KIF2A: variants seen among roughly 807,000 people sequenced by gnomAD.
KIF2A encodes kinesin family member 2A, also known as kinesin-like protein KIF2A.
KIF2A carries 22 observed loss-of-function variants against 100.2 expected under a neutral mutation model. The ratio of observed to expected loss-of-function variants is 0.22; its 90% CI spans 0.16 to 0.31. The LOEUF (loss-of-function observed/expected upper bound fraction) is 0.31, where lower values mean the gene tolerates loss of function less well. Ranked by LOEUF, KIF2A falls within the 10% of genes least tolerant of loss-of-function variation. The pLI is 1.00. For synonymous variants in KIF2A, 268 were observed against 285.9 expected, an observed-to-expected ratio of 0.94 and a Z score of 0.63; for missense variants, 495 against 898.7, an observed-to-expected ratio of 0.55 and a Z score of 5.74.
rs1303449314 is a variant in KIF2A, at chr5:62,390,891, A to G, written c.*5322A>G. 12 of 1,611,742 alleles carry G rather than the reference A, an allele frequency of 7.4e-6. No individual in the cohort carries two copies. The highest frequency in any genetic ancestry group is 1.0e-5 in the Non-Finnish European group (12 of 1,179,692). On this transcript the variant is annotated 3_prime_UTR_variant, in exon 21 of 21. Transcript: ENST00000407818. Reference sequence around the variant, plus strand: ...ATGTAATTACCTGATGAAGTCATCTATGTCCATGGAACGGGCCCGTTTGTC... The same window carrying G: ...ATGTAATTACCTGATGAAGTCATCTGTGTCCATGGAACGGGCCCGTTTGTC...
chr5:62,324,627 T>C (rs1746270194), intron 1 of KIF2A, among the ~76,000 whole-genome samples: 1 of 152,174 alleles, frequency 6.6e-6, no homozygotes, highest in Admixed American at 6.5e-5. Context: ...CCTTATTCAG[T>C]AAATGGTGCT....
intron 9 of KIF2A, among the ~76,000 whole-genome samples, chr5:62,358,671 A>C (rs1748234806): frequency 6.6e-6 from 1 of 152,192 alleles, no homozygotes; most frequent in African/African-American, 2.4e-5. Flanking sequence ...CTAATAAAGA[A>C]ACTTGAAATG....
At chr5:62,336,738 A>C (rs1194987385) in intron 1 of KIF2A, among the ~76,000 whole-genome samples, 1 of 152,238 alleles carries the variant, frequency 6.6e-6, no homozygotes. Context: ...TTAAGGGGAA[A>C]AAACAGTAAA....
intron 1 of KIF2A, among the ~76,000 whole-genome samples, chr5:62,327,220 C>G (rs1746420563): frequency 6.6e-6 from 1 of 152,112 alleles, no homozygotes; most frequent in Non-Finnish European, 1.5e-5. Context: ...TCTTAGTGGT[C>G]AAATCCACTT....
intron 1 of KIF2A, among the ~76,000 whole-genome samples, chr5:62,317,878 C>G (rs1317119167): frequency 6.6e-6 from 1 of 152,144 alleles, no homozygotes; most frequent in Non-Finnish European, 1.5e-5. Flanking sequence ...CAAAGACATT[C>G]TAGTTTTCTC....
In KIF2A at chr5:62,363,246, G is replaced by A. The variant is rs1157092494; in HGVS notation, c.1188G>A (p.Val396=). ...VLEDGKQQVQ[V]VGLQEREVKC... is the part of the protein sequence containing the mutation. Reference sequence around the variant, plus strand: ...AAGATGGAAAACAGCAGGTTCAAGTGGTGGGATTACAGGAACGGGAGGTCA... The same window carrying A: ...AAGATGGAAAACAGCAGGTTCAAGTAGTGGGATTACAGGAACGGGAGGTCA... The change falls in exon 13 of 21, where the codon GTG becomes GTA. Residue 396 remains valine, a synonymous_variant. Transcript: ENST00000407818. 6.2e-7 allele frequency: 1 copy of A among 1,613,296 alleles called. No individual in the cohort carries two copies. Among genetic ancestry groups the A allele is most frequent in the Admixed American group, 1.7e-5 (1 of 59,978 alleles).
intron 1 of KIF2A, among the ~76,000 whole-genome samples, chr5:62,322,864 GT>G (rs36138729): frequency 0.093 from 12,436 of 134,410 alleles, 692 homozygotes; most frequent in African/African-American, 0.16. Context: ...TGGTTTTTGG[GT>G]TTTTTTTTTT....
intron 1 of KIF2A, among the ~76,000 whole-genome samples, chr5:62,319,149 A>G (rs1745977267): frequency 1.5e-5 from 2 of 135,130 alleles, no homozygotes; most frequent in African/African-American, 2.7e-5. Context: ...TACCTAGGAG[A>G]GTAATTTGGT....
intron 3 of KIF2A, 35 bp downstream of exon 3, chr5:62,348,202 G>T: frequency 6.2e-7 from 1 of 1,609,354 alleles, no homozygotes; most frequent in Non-Finnish European, 8.5e-7. Context: ...AGGACACTGG[G>T]AGAGAGCGGG....
At position 62,320,366 on chromosome 5, in the gene KIF2A, A is replaced by G. The variant is rs565024586; in HGVS notation, c.64+13830A>G. Among the ~76,000 whole-genome samples, 3 of 152,296 alleles carry G rather than the reference A, an allele frequency of 2.0e-5. No individual in the cohort carries two copies. The South Asian group carries it at 6.2e-4, about 32-fold the overall frequency. On this transcript the variant is annotated intron_variant, in intron 1 of 20. Transcript: ENST00000407818. ...CATGAATATATCTGTAGGGGAAAAA[A>G]TCCTAGAAGTAGAAGCACTGGGTCA...
intron 1 of KIF2A, among the ~76,000 whole-genome samples, chr5:62,329,357 G>T (rs1451490557): frequency 6.6e-6 from 1 of 152,196 alleles, no homozygotes; most frequent in Non-Finnish European, 1.5e-5. Context: ...TTCCACTAAA[G>T]CTATTGAAGA....
intron 9 of KIF2A, among the ~76,000 whole-genome samples, chr5:62,358,907 G>A (rs1333721778): frequency 2.6e-5 from 4 of 152,238 alleles, no homozygotes; most frequent in African/African-American, 9.6e-5. Flanking sequence ...CTGAGCTCAA[G>A]TGATCTGCCC....
At chr5:62,348,982 A>G (rs1461659827) in intron 3 of KIF2A, among the ~76,000 whole-genome samples, 3 of 152,218 alleles carry the variant, frequency 2.0e-5, no homozygotes, top group African/African-American at 7.2e-5. Flanking sequence ...AATATAGTAT[A>G]ATAGAAGCAA....
At chr5:62,383,218 T>TGCCCG (rs1741862039) in intron 20 of KIF2A, among the ~76,000 whole-genome samples, 2 of 133,142 alleles carry the variant, frequency 1.5e-5, no homozygotes. Flanking sequence ...TGAGCCACCA[T>TGCCCG]GCCTGGCCAG....
At position 62,306,429 on chromosome 5, in the gene KIF2A, CG is replaced by C. The variant is rs1745273804; in HGVS notation, c.-42del. 2.0e-6 allele frequency: 3 copies of C among 1,492,630 alleles called. No homozygotes were observed. Among genetic ancestry groups the C allele is most frequent in the Admixed American group, 4.0e-5 (2 of 49,584 alleles). The allele number at this position is 1,492,630 out of a possible 1,614,324, so 92.5% of individuals were successfully genotyped here. A position where few individuals can be genotyped will look rare whatever the true frequency, so the allele number is the denominator to read the frequency against. ...CCCCCTCCCCGCCTTTTCCGCCCTC[CG>C]GTCCCCCTCCCTCGGCCCGCTGCTG... On this transcript the variant is annotated 5_prime_UTR_variant, in exon 1 of 21. Coordinates refer to ENST00000407818, the MANE Select transcript of KIF2A (RefSeq NM_001098511.3).
In KIF2A at chr5:62,357,681, T is replaced by G. The variant is rs751148284; in HGVS notation, c.655-10T>G. 4 of 1,458,504 alleles carry G rather than the reference T, an allele frequency of 2.7e-6. No homozygotes were observed. In the Admixed American group the frequency reaches 7.5e-5, roughly 27 times the overall value. 90.3% of individuals were successfully genotyped at this position (1,458,504 alleles called of 1,614,324 possible). Reference sequence around the variant, plus strand: ...AATAATCACTGAAATAAAATACTTTTTATTTCTAGATTGATGAACATAGGA... The same window carrying G: ...AATAATCACTGAAATAAAATACTTTGTATTTCTAGATTGATGAACATAGGA... On this transcript the variant is annotated splice_polypyrimidine_tract_variant and intron_variant, in intron 7 of 20. Coordinates refer to ENST00000407818, the MANE Select transcript of KIF2A (RefSeq NM_001098511.3).
intron 1 of KIF2A, among the ~76,000 whole-genome samples, chr5:62,314,538 A>G (rs1745711797): frequency 6.6e-6 from 1 of 152,148 alleles, no homozygotes; most frequent in Admixed American, 6.5e-5. Flanking sequence ...GGTTATGTGT[A>G]ATTTGGATAT....
chr5:62,372,325 C>G, intron 16 of KIF2A, 113 bp from the exon 17 acceptor site: 1 of 662,444 alleles, frequency 1.5e-6, no homozygotes, highest in South Asian at 1.8e-5. Context: ...ATTGTCACAA[C>G]AATATCAATA....
In KIF2A at chr5:62,363,135, T is replaced by C. The variant is rs1415003052; in HGVS notation, c.1120-43T>C. The C allele has an allele frequency of 2.0e-6, 3 of 1,524,422 alleles. No individual in the cohort carries two copies. In the Admixed American group the frequency reaches 6.1e-5, roughly 31 times the overall value. 94.4% of individuals were successfully genotyped at this position (1,524,422 alleles called of 1,614,324 possible). ...GAGCCATTGCACCTAGCCTGTTTTTTACTTTAAAGCTAGTTTTCTAATTTG... is the reference window on the plus strand; with the variant it reads ...GAGCCATTGCACCTAGCCTGTTTTTCACTTTAAAGCTAGTTTTCTAATTTG... On this transcript the variant is annotated intron_variant, in intron 12 of 20. Coordinates refer to ENST00000407818, the MANE Select transcript of KIF2A (RefSeq NM_001098511.3).
Sources: allele counts gnomAD v4.1 joint callset (sites outside exome capture counted in the v4.1 genomes callset), GRCh38; gene constraint gnomAD v4.1.1; transcripts MANE v1.5; gene names NCBI Gene and HGNC (gene_info 2026-07-23, HGNC 2026-07-21).